Variants in LYG2 observed in about 807,000 individuals in gnomAD.
The protein encoded by LYG2 is lysozyme g-like protein 2.
Under a neutral mutation model 22.4 loss-of-function variants are expected in LYG2, and 25 were observed. The ratio of observed to expected loss-of-function variants is 1.12; its 90% CI spans 0.81 to 1.56. LYG2 has a LOEUF of 1.56. LYG2 is among the 40% of genes most tolerant of loss of function. The probability of loss-of-function intolerance (pLI) is 0.00; values close to 1 mark genes in which losing one functional copy is unlikely to be tolerated. For missense variants in LYG2, 266 were observed against 269.5 expected (o/e 0.99, Z 0.09); for synonymous variants, 88 against 97.0 (o/e 0.91, Z 0.55).
chr2:99,249,302 C>A (rs2094022131), intron 3 of LYG2, among the ~76,000 whole-genome samples: 1 of 152,004 alleles, frequency 6.6e-6, no homozygotes, highest in Non-Finnish European at 1.5e-5. Flanking sequence ...TGCCTGTAGT[C>A]CCAGTTGCAT....
At chr2:99,244,493 C>G (rs923073897) in intron 5 of LYG2, among the ~76,000 whole-genome samples, 18 of 152,070 alleles carry the variant, frequency 1.2e-4, no homozygotes, top group African/African-American at 4.3e-4. Flanking sequence ...TTTCTACAGA[C>G]AATTTAAAAT....
chr2:99,246,199 A>T (rs1322240526), intron 4 of LYG2, among the ~76,000 whole-genome samples: 1 of 152,178 alleles, frequency 6.6e-6, no homozygotes, highest in Non-Finnish European at 1.5e-5. Flanking sequence ...CTCCGCCACT[A>T]GTTGGTTCTG....
At chr2:99,249,259 A>C (rs1186431140) in intron 3 of LYG2, among the ~76,000 whole-genome samples, 1 of 152,090 alleles carries the variant, frequency 6.6e-6, no homozygotes, top group Admixed American at 6.5e-5. Flanking sequence ...ATTTCTACAA[A>C]AAATACAAAA....
chr2:99,244,168 T>G, intron 5 of LYG2, 31 bp from the exon 6 acceptor site: 1 of 1,604,010 alleles, frequency 6.2e-7, no homozygotes, highest in Non-Finnish European at 8.5e-7. Flanking sequence ...AGTCAGCATC[T>G]GGATGAGGTA....
At chr2:99,242,927 C>A (rs1192046260) in intron 6 of LYG2, among the ~76,000 whole-genome samples, 1 of 152,184 alleles carries the variant, frequency 6.6e-6, no homozygotes, top group African/African-American at 2.4e-5. Context: ...ACACTTATTT[C>A]TTTGGGTATG....
chr2:99,246,333 G>A (rs1433726382), intron 4 of LYG2, among the ~76,000 whole-genome samples: 3 of 152,182 alleles, frequency 2.0e-5, no homozygotes, highest in Non-Finnish European at 4.4e-5. Context: ...CCAGGATAAC[G>A]TGATGAAGAC....
chr2:99,258,453 T>A (rs1412877625), upstream of LYG2, among the ~76,000 whole-genome samples: 1 of 152,198 alleles, frequency 6.6e-6, no homozygotes, highest in African/African-American at 2.4e-5. Flanking sequence ...AGCTGAATTA[T>A]AGGACAGGAA....
chr2:99,261,143 G>A, the LYG2 span, among the ~76,000 whole-genome samples: 1 of 151,968 alleles, frequency 6.6e-6, no homozygotes, highest in Admixed American at 6.6e-5. Context: ...GGCTGGAGTG[G>A]TCCAGGGCTG....
At position 99,245,458 on chromosome 2, in the gene LYG2, C is replaced by G; in HGVS notation, c.185G>C (p.Gly62Ala). ...TCDANSVMNC[G>A]IRGSEMFAEM... ...AGCAAACATTTCAGAACCACGGATC[C>G]CTACGTCAATAGAAAAGAAACTGTT... The change falls in exon 5 of 7, where the codon GGG becomes GCG. Residue 62 changes from glycine (G) to alanine (A), a missense_variant and splice_region_variant. Transcript: ENST00000333017. 1 of 1,585,252 alleles carries G rather than the reference C, an allele frequency of 6.3e-7. No individual in the cohort carries two copies. Among genetic ancestry groups the G allele is most frequent in the East Asian group, 2.3e-5 (1 of 44,168 alleles).
intron 3 of LYG2, among the ~76,000 whole-genome samples, chr2:99,250,709 G>T (rs2094025104): frequency 6.6e-6 from 1 of 152,212 alleles, no homozygotes; most frequent in Non-Finnish European, 1.5e-5. Flanking sequence ...AGAGCCCAAA[G>T]GTTTGGCAAT....
intron 6 of LYG2, chr2:99,243,491 CAGATAGATAGATAGATAGATAGATAGAT>C (rs36096004): frequency 7.7e-7 from 1 of 1,301,952 alleles, no homozygotes. Flanking sequence ...GGTAGGCAAA[CAGATAGATAGATAGATAGATAGATAGAT>C]AGATAGATAG....
chr2:99,251,929 G>A (rs1413889481), intron 3 of LYG2, among the ~76,000 whole-genome samples: 2 of 74,500 alleles, frequency 2.7e-5, no homozygotes, highest in African/African-American at 7.8e-5. Flanking sequence ...CCAAGTAGCT[G>A]GGACTACAGG....
At chr2:99,258,919 G>A (rs940939381), upstream of LYG2, among the ~76,000 whole-genome samples, 37 of 152,152 alleles carry the variant, frequency 2.4e-4, no homozygotes, top group Non-Finnish European at 4.6e-4. Context: ...CAGGAAAGAA[G>A]ATATACAAAT....
chr2:99,249,999 G>A (rs2094023291), intron 3 of LYG2, among the ~76,000 whole-genome samples: 1 of 151,864 alleles, frequency 6.6e-6, no homozygotes, highest in Non-Finnish European at 1.5e-5. Flanking sequence ...TCCTTTAGGG[G>A]AATAGCCAAG....
chr2:99,247,463 G>T (rs1367224159), intron 3 of LYG2, among the ~76,000 whole-genome samples: 4 of 151,396 alleles, frequency 2.6e-5, no homozygotes, highest in Admixed American at 1.3e-4. Flanking sequence ...TAAGATTCAG[G>T]GGGTACATGT....
rs148339550 is a variant in LYG2 at position 99,242,745 on chromosome 2, T to C, written c.521-263A>G. Among the ~76,000 whole-genome samples, 1,007 of 152,342 alleles carry C rather than the reference T, an allele frequency of 6.6e-3. 2 individuals are homozygous for C. The highest frequency in any genetic ancestry group is 0.014 in the Middle Eastern group (4 of 294). ...TTTGCTTTTTTATGTAATCCAGGCC[T>C]GGCAGAACTAGACTCCCAGTACATC... On this transcript the variant is annotated intron_variant, in intron 6 of 6. Transcript: ENST00000333017.
At chr2:99,244,478 C>A (rs2094012237) in intron 5 of LYG2, among the ~76,000 whole-genome samples, 1 of 152,184 alleles carries the variant, frequency 6.6e-6, no homozygotes, top group Non-Finnish European at 1.5e-5. Context: ...GGCCAGAAGT[C>A]TGTATTTCTA....
rs1172225954 is a variant in LYG2 at position 99,242,324 on chromosome 2, C to G, written c.*40G>C. 12 of 1,238,682 alleles carry G rather than the reference C, an allele frequency of 9.7e-6. No individual in the cohort carries two copies. The highest frequency in any genetic ancestry group is 1.5e-5 in the African/African-American group (1 of 66,790). The allele number at this position is 1,238,682 out of a possible 1,614,324, so 76.7% of individuals were successfully genotyped here. A position where few individuals can be genotyped will look rare whatever the true frequency, so the allele number is the denominator to read the frequency against. ...ACGTAAAACTCTCAAAGGCGGCCAT[C>G]TGAGCACTCTGCCAACCTGGCCCAC... On this transcript the variant is annotated 3_prime_UTR_variant, in exon 7 of 7. Transcript: ENST00000333017.
chr2:99,259,051 T>C (rs190234361), upstream of LYG2, among the ~76,000 whole-genome samples: 13 of 152,280 alleles, frequency 8.5e-5, no homozygotes, highest in Admixed American at 8.5e-4. Context: ...ACTAGCTATA[T>C]CACATATTGG....
Sources: allele counts gnomAD v4.1 joint callset (sites outside exome capture counted in the v4.1 genomes callset), GRCh38; gene constraint gnomAD v4.1.1; transcripts MANE v1.5; gene names NCBI Gene and HGNC (gene_info 2026-07-23, HGNC 2026-07-21).